Variants in KCNH2 observed in about 807,000 individuals in gnomAD.
KCNH2 encodes the protein voltage-gated inwardly rectifying potassium channel KCNH2.
A neutral mutation model predicts 95.9 loss-of-function variants in KCNH2; 35 were observed. The observed-to-expected ratio is 0.37, with a 90% CI of 0.28 to 0.48. The LOEUF (loss-of-function observed/expected upper bound fraction) is 0.48. KCNH2 is among the 20% of genes least tolerant of loss of function. The pLI is 0.99. For missense variants in KCNH2, 1,274 were observed against 1,702.9 expected (o/e 0.75, Z 4.43); for synonymous variants, 786 against 754.7 (o/e 1.04, Z -0.68).
Position 150,957,557 on chromosome 7 carries a change from G to A in KCNH2, c.917-55C>T, listed in dbSNP as rs547329352. 3 of 1,369,408 alleles carry A rather than the reference G, an allele frequency of 2.2e-6. No homozygotes were observed. The South Asian group carries it at 3.5e-5, about 16-fold the overall frequency. The allele number at this position is 1,369,408 out of a possible 1,614,324, so 84.8% of individuals were successfully genotyped here. ...GCAGCCCAGGGCCCCAGGCCAGGCAGGCCACCCATAGATCGAGAGTGGAGA... is the reference window on the plus strand; with the variant it reads ...GCAGCCCAGGGCCCCAGGCCAGGCAAGCCACCCATAGATCGAGAGTGGAGA... On this transcript the variant is annotated intron_variant, in intron 4 of 14. Transcript: ENST00000262186.
chr7:150,945,006 A>C lies in KCNH2; in HGVS notation c.*359T>G, dbSNP rs1386326581. 4.3e-6 allele frequency: 1 copy of C among 234,148 alleles called. No homozygotes were observed. Among genetic ancestry groups the C allele is most frequent in the Non-Finnish European group, 8.4e-6 (1 of 119,364 alleles). 14.5% of individuals were successfully genotyped at this position (234,148 alleles called of 1,614,324 possible). A position where few individuals can be genotyped will look rare whatever the true frequency, so the allele number is the denominator to read the frequency against. ...ATTATTCATAGTCATCAGCATCTTC[A>C]TTAATTATTCATATGATCCTTAATT... On this transcript the variant is annotated 3_prime_UTR_variant, in exon 15 of 15. Transcript: ENST00000262186. The surrounding 1 kb of genome is among the most constrained non-coding windows in gnomAD (Gnocchi z 5.6).
At chr7:150,948,006 C>T in intron 11 of KCNH2, 128 bp from the exon 12 acceptor site, 1 of 1,152,158 alleles carries the variant, frequency 8.7e-7, no homozygotes, top group Non-Finnish European at 1.2e-6. Flanking sequence ...TCCCCAGTCG[C>T]TTCTTCTGCT....
intron 5 of KCNH2, chr7:150,955,434 T>C (rs749887725): frequency 6.4e-7 from 1 of 1,566,264 alleles, no homozygotes; most frequent in South Asian, 1.2e-5. Context: ...ACGGCCCGCC[T>C]CACCCGGCCT....
At chr7:150,947,083 G>A (rs772040715) in intron 13 of KCNH2, 29 bp from the exon 14 acceptor site, 5 of 1,333,868 alleles carry the variant, frequency 3.7e-6, no homozygotes, top group African/African-American at 1.5e-5. Context: ...GATGCTCAGA[G>A]AAGTGGGGAC....
chr7:150,950,145 A>AGGGGGGGG, intron 9 of KCNH2, 23 bp downstream of exon 9: 62 of 1,424,514 alleles, frequency 4.4e-5, no homozygotes, highest in East Asian at 1.9e-4. Context: ...TTTCCAGTCC[A>AGGGGGGGG]GTGCCCGCCC....
intron 9 of KCNH2, chr7:150,949,373 C>A: frequency 2.6e-6 from 3 of 1,165,412 alleles, no homozygotes; most frequent in Non-Finnish European, 3.2e-6. Flanking sequence ...TTCTTCAAAC[C>A]AAAGATCAGA....
Position 150,958,311 on chromosome 7 carries a change from C to G in KCNH2, c.664G>C (p.Val222Leu), listed in dbSNP as rs1263535997. 2 of 1,482,332 alleles carry G rather than the reference C, an allele frequency of 1.3e-6. No homozygotes were observed. The highest frequency in any genetic ancestry group is 2.5e-5 in the South Asian group (2 of 78,668). 91.8% of individuals were successfully genotyped at this position (1,482,332 alleles called of 1,614,324 possible). A position where few individuals can be genotyped will look rare whatever the true frequency, so the allele number is the denominator to read the frequency against. ...TCCTCCGCGGGCCCGAGCCCTGCCA[C>G]GTGGTTGTCCATGGCTGTCACTTCG... is the stretch of plus-strand genomic sequence containing the variant. ...LDEVTAMDNH[V>L]AGLGPAEERR... The change falls in exon 4 of 15, where the codon GTG becomes CTG. Residue 222 changes from valine (V) to leucine (L), a missense_variant. Physicochemically the swap from Val to Leu is conservative, Grantham distance 32. Transcript: ENST00000262186.
At chr7:150,974,571 C>A (rs1801922439) in intron 2 of KCNH2, 140 bp downstream of exon 2, 2 of 725,000 alleles carry the variant, frequency 2.8e-6, no homozygotes, top group African/African-American at 1.8e-5. Flanking sequence ...CGCGTCACAC[C>A]CCCACAGAAC....
At chr7:150,963,183 C>G (rs1025925427) in intron 2 of KCNH2, among the ~76,000 whole-genome samples, 3 of 152,242 alleles carry the variant, frequency 2.0e-5, no homozygotes, top group Admixed American at 1.3e-4. Context: ...CCCGAGGCAG[C>G]CAGCACTGGG....
At chr7:150,955,561 C>T (rs958406245) in intron 5 of KCNH2, 1 of 1,497,696 alleles carries the variant, frequency 6.7e-7, no homozygotes, top group African/African-American at 1.4e-5. Context: ...CGGCCACTGC[C>T]TCACCTGCAC....
At chr7:150,951,986 C>T in intron 6 of KCNH2, 151 bp from the exon 7 acceptor site, 1 of 715,442 alleles carries the variant, frequency 1.4e-6, no homozygotes, top group African/African-American at 1.8e-5. Context: ...CACACTGGGC[C>T]CAGCACAGGT....
intron 9 of KCNH2, chr7:150,949,921 G>T (rs1468182349): frequency 8.0e-6 from 12 of 1,506,812 alleles, no homozygotes; most frequent in Non-Finnish European, 8.9e-6. Context: ...AGCAAAAAGT[G>T]TCTGTTTGTG....
rs1480554629 is a variant in KCNH2 at position 150,947,875 on chromosome 7, G to T, written c.2696C>A (p.Thr899Lys). 4 of 1,530,302 alleles carry T rather than the reference G, an allele frequency of 2.6e-6. No individual in the cohort carries two copies. In the African/African-American group the frequency reaches 4.1e-5, roughly 16 times the overall value. The allele number at this position is 1,530,302 out of a possible 1,614,324, so 94.8% of individuals were successfully genotyped here. A position where few individuals can be genotyped will look rare whatever the true frequency, so the allele number is the denominator to read the frequency against. ...GGCCGACACCTCCCCTGGCTGCTCCGTGTCTGTGGGAAACAGAGAATGGGC... is the reference window on the plus strand; with the variant it reads ...GGCCGACACCTCCCCTGGCTGCTCCTTGTCTGTGGGAAACAGAGAATGGGC... ...LSFRRRTDKD[T>K]EQPGEVSALG... The change falls in exon 12 of 15, where the codon ACG becomes AAG. Residue 899 changes from threonine to lysine, a missense_variant. Physicochemically the swap from Thr to Lys is moderately conservative, Grantham distance 78 (BLOSUM62 -1). Transcript: ENST00000262186.
intron 5 of KCNH2, among the ~76,000 whole-genome samples, chr7:150,957,049 G>A (rs546875991): frequency 1.5e-3 from 225 of 152,048 alleles, no homozygotes; most frequent in Middle Eastern, 6.8e-3. Context: ...CCCGACCTCC[G>A]CTCTGCCATT....
chr7:150,959,717 C>T lies in KCNH2; in HGVS notation c.327G>A (p.Leu109=). 2 of 1,614,202 alleles carry T rather than the reference C, an allele frequency of 1.2e-6. No individual in the cohort carries two copies. The highest frequency in any genetic ancestry group is 1.7e-6 in the Non-Finnish European group (2 of 1,180,024). ...CGTTCTTCACGGGCACCACATCCACCAGACATAGGAAGCAGCTCCCTGCAG... is the reference window on the plus strand; with the variant it reads ...CGTTCTTCACGGGCACCACATCCACTAGACATAGGAAGCAGCTCCCTGCAG... ...YRKDGSCFLC[L]VDVVPVKNED... is the part of the protein sequence containing the mutation. The change falls in exon 3 of 15, where the codon CTG becomes CTA. Residue 109 remains leucine (L), a synonymous_variant. Transcript: ENST00000262186.
chr7:150,955,659 TGGCTGGGCCCCAG>T, intron 5 of KCNH2: 1 of 1,404,678 alleles, frequency 7.1e-7, no homozygotes, highest in Non-Finnish European at 9.2e-7. Flanking sequence ...AGGGTGGTTG[TGGCTGGGCCCCAG>T]GGCTGGGGTC....
At position 150,958,110 on chromosome 7, in the gene KCNH2, C is replaced by T. The variant is rs199472880; in HGVS notation, c.865G>A (p.Glu289Lys). The change falls in exon 4 of 15, where the codon GAG becomes AAG. Residue 289 changes from glutamate (E) to lysine (K), a missense_variant. Transcript: ENST00000262186. ...VRRASSADDI[E>K]AMRAGVLPPP... ...GGCAGCACCCCGGCGCGCATGGCCT[C>T]GATGTCGTCGGCCGACGAGGCGCGG... 238 of 1,296,770 alleles carry T rather than the reference C, an allele frequency of 1.8e-4. No individual in the cohort carries two copies. Among genetic ancestry groups the T allele is most frequent in the Non-Finnish European group, 2.1e-4 (215 of 1,026,846 alleles). 80.3% of individuals were successfully genotyped at this position (1,296,770 alleles called of 1,614,324 possible).
At chr7:150,957,241 T>A in intron 5 of KCNH2, 50 bp downstream of exon 5, 2 of 1,456,890 alleles carry the variant, frequency 1.4e-6, no homozygotes, top group African/African-American at 1.4e-5. Context: ...TCCCACCCCC[T>A]CTCCAAGCTC....
intron 5 of KCNH2, among the ~76,000 whole-genome samples, chr7:150,956,852 C>A (rs1801392256): frequency 6.6e-6 from 1 of 152,186 alleles, no homozygotes; most frequent in African/African-American, 2.4e-5. Context: ...CTGTCCTTGA[C>A]CTCTGTGACC....
Sources: gnomAD v4.1 joint callset for allele counts (sites outside exome capture counted in the v4.1 genomes callset) on GRCh38, gnomAD v4.1.1 for gene constraint, Gnocchi (gnomAD v3.1) non-coding constraint, MANE v1.5 for transcripts, NCBI Gene and HGNC (gene_info 2026-07-23, HGNC 2026-07-21) for gene names.